The following FBN2 variants were observed in gnomAD, a reference collection of about 807,000 sequenced individuals.
FBN2 encodes fibrillin 2.
FBN2 carries 105 observed loss-of-function variants against 355.6 expected under a neutral mutation model. The observed-to-expected ratio is 0.30, with a 90% CI of 0.25 to 0.35. FBN2 has a LOEUF of 0.35. FBN2 is among the 10% of genes least tolerant of loss of function. The pLI, the probability that FBN2 is intolerant of heterozygous loss-of-function variation, is 1.00. For missense variants in FBN2, 3,280 were observed against 3,758.7 expected (o/e 0.87, Z 3.33); for synonymous variants, 1,350 against 1,301.2 (o/e 1.04, Z -0.81).
chr5:128,414,244 TC>T (rs899372234), intron 7 of FBN2, among the ~76,000 whole-genome samples: 25 of 151,452 alleles, frequency 1.7e-4, no homozygotes, highest in African/African-American at 5.1e-4. Flanking sequence ...AACATTTTCA[TC>T]CCCCCCCAAG....
At chr5:128,385,188 C>G (rs973879571) in intron 11 of FBN2, among the ~76,000 whole-genome samples, 4 of 152,068 alleles carry the variant, frequency 2.6e-5, no homozygotes. Flanking sequence ...TGATAGGTAG[C>G]TTTTCGATCC....
intron 11 of FBN2, among the ~76,000 whole-genome samples, chr5:128,390,829 G>A (rs1482648093): frequency 1.3e-5 from 2 of 152,006 alleles, no homozygotes; most frequent in Admixed American, 1.3e-4. Flanking sequence ...GGAACAGACT[G>A]TATATTTGAT....
At chr5:128,432,137 G>A (rs1018165836) in intron 7 of FBN2, among the ~76,000 whole-genome samples, 2 of 151,998 alleles carry the variant, frequency 1.3e-5, no homozygotes, top group African/African-American at 4.8e-5. Context: ...ATTTCTACAT[G>A]TATACTTATT....
chr5:128,263,386 A>T, intron 63 of FBN2, 39 bp downstream of exon 63: 1 of 1,481,662 alleles, frequency 6.7e-7, no homozygotes, highest in Non-Finnish European at 9.4e-7. Context: ...CTCAGGAACC[A>T]TGTATTCCTC....
chr5:128,369,262 A>C lies in FBN2; in HGVS notation c.2168T>G (p.Val723Gly). 6.2e-7 allele frequency: 1 copy of C among 1,614,134 alleles called. No individual in the cohort carries two copies. The highest frequency in any genetic ancestry group is 8.5e-7 in the Non-Finnish European group (1 of 1,180,012). Residue 723 changes from valine (V) to glycine (G), a missense_variant, in exon 16 of 65, where the codon GTG becomes GGG. Transcript: ENST00000262464. ...GGCACAGCAGCATTCGGACTTGGTC[A>C]CTGCACCGGGGAAAGGACGCACACA... The part of the protein sequence containing the change: ...GVCVRPFPGA[V>G]TKSECCCANP...
rs1181857558 is a variant in FBN2 at position 128,368,425 on chromosome 5, T to TATATATATATATACATATATAC, written c.2248+756_2248+757insGTATATATGTATATATATATAT. Among the ~76,000 whole-genome samples, 881 of 133,322 alleles carry TATATATATATATACATATATAC rather than the reference T, an allele frequency of 6.6e-3. 44 individuals are homozygous for TATATATATATATACATATATAC. Among genetic ancestry groups the TATATATATATATACATATATAC allele is most frequent in the Non-Finnish European group, 0.01 (605 of 60,294 alleles). The allele number at this position is 133,322 out of a possible 152,430, so 87.5% of individuals were successfully genotyped here. A position where few individuals can be genotyped will look rare whatever the true frequency, so the allele number is the denominator to read the frequency against. ...ATATATATGTGTGTGTGTGTGTATA[T>TATATATATATATACATATATAC]ATATATATACACATATATACATATA... On this transcript the variant is annotated intron_variant, in intron 16 of 64. Transcript: ENST00000262464.
intron 22 of FBN2, 125 bp downstream of exon 22, chr5:128,349,830 G>A (rs1363232554): frequency 1.5e-5 from 12 of 777,050 alleles, no homozygotes; most frequent in Non-Finnish European, 2.2e-5. Context: ...TGATTACATC[G>A]AGTATTTTTA....
At position 128,395,410 on chromosome 5, in the gene FBN2, C is replaced by T. The variant is rs149513034; in HGVS notation, c.1079-136G>A. 218 of 948,412 alleles carry T rather than the reference C, an allele frequency of 2.3e-4. 1 individual carries two copies. In the African/African-American group the frequency reaches 2.6e-3, roughly 12 times the overall value. 58.7% of individuals were successfully genotyped at this position (948,412 alleles called of 1,614,324 possible). ...TGTTATCTATTCCTTTCTTCACTCTCTTAATATCTCAGACATTCATTGAGC... is the reference window on the plus strand; with the variant it reads ...TGTTATCTATTCCTTTCTTCACTCTTTTAATATCTCAGACATTCATTGAGC... On this transcript the variant is annotated intron_variant, in intron 8 of 64. Coordinates refer to ENST00000262464, the MANE Select transcript of FBN2 (RefSeq NM_001999.4).
intron 1 of FBN2, 108 bp downstream of exon 1, chr5:128,537,242 G>A: frequency 6.6e-7 from 1 of 1,505,770 alleles, no homozygotes; most frequent in Non-Finnish European, 8.9e-7. Context: ...TGCAGCTCTA[G>A]GCTCCAGCTA....
intron 6 of FBN2, among the ~76,000 whole-genome samples, chr5:128,463,453 T>G (rs1386829409): frequency 1.3e-5 from 2 of 152,148 alleles, no homozygotes; most frequent in Non-Finnish European, 2.9e-5. Flanking sequence ...CATATGTGAT[T>G]AAATATAAAG....
At position 128,299,712 on chromosome 5, in the gene FBN2, G is replaced by A. The variant is rs182010072; in HGVS notation, c.6166+1105C>T. Reference sequence around the variant, plus strand: ...ACAGTGCATGCACCCACTGACCTGCGCCCACTGTCTGGCACTCCCTAGTAA... The same window carrying A: ...ACAGTGCATGCACCCACTGACCTGCACCCACTGTCTGGCACTCCCTAGTAA... On this transcript the variant is annotated intron_variant, in intron 48 of 64. Transcript: ENST00000262464. Among the ~76,000 whole-genome samples, 146 of 152,070 alleles carry A rather than the reference G, an allele frequency of 9.6e-4. 1 individual carries two copies. The highest frequency in any genetic ancestry group is 3.0e-3 in the African/African-American group (125 of 41,492).
Position 128,357,296 on chromosome 5 carries a change from G to C in FBN2, c.2654C>G (p.Ser885Cys). Residue 885 changes from serine to cysteine, a missense_variant, in exon 20 of 65, where the codon TCC becomes TGC. By Grantham distance (112) the Ser-to-Cys change is moderately radical. This residue lies in a region of FBN2 where 2,284 missense variants were observed against 2,749.5 expected (regional missense o/e 0.83). Transcript: ENST00000262464. The part of the protein sequence containing the change: ...CECSPGSKLS[S>C]TGLICIDSLK... ...CTTACCAATACAGATCAATCCTGTG[G>C]AGCTGAGTTTGCTGCCGGGCGAACA... The C allele has an allele frequency of 6.2e-7, 1 of 1,613,958 alleles. No homozygotes were observed. The highest frequency in any genetic ancestry group is 8.5e-7 in the Non-Finnish European group (1 of 1,179,856).
chr5:128,500,846 G>T (rs932202844), intron 5 of FBN2, among the ~76,000 whole-genome samples: 1 of 151,720 alleles, frequency 6.6e-6, no homozygotes, highest in Admixed American at 6.6e-5. Context: ...ACATAACATC[G>T]CATTCGAAGA....
At chr5:128,524,798 T>G (rs1561498082) in intron 4 of FBN2, among the ~76,000 whole-genome samples, 2 of 152,124 alleles carry the variant, frequency 1.3e-5, no homozygotes, top group Non-Finnish European at 2.9e-5. Context: ...ACATTTTGCT[T>G]CCCCTATATG....
At chr5:128,519,777 C>T (rs1012410246) in intron 4 of FBN2, among the ~76,000 whole-genome samples, 7 of 150,330 alleles carry the variant, frequency 4.7e-5, no homozygotes, top group East Asian at 1.9e-4. Context: ...AAAAAGAGGC[C>T]GATCCCGGTA....
intron 40 of FBN2, among the ~76,000 whole-genome samples, chr5:128,309,765 T>C (rs1485301866): frequency 5.9e-5 from 9 of 152,218 alleles, no homozygotes; most frequent in Non-Finnish European, 1.2e-4. Context: ...ATATAACATT[T>C]GAGGAAATTT....
rs746758405 is a variant in FBN2, at chr5:128,290,878, C to T, written c.6299G>A (p.Arg2100His). Residue 2100 changes from arginine to histidine, a missense_variant, in exon 50 of 65, where the codon CGC (arginine) becomes CAC (histidine). By Grantham distance (29) the Arg-to-His change is conservative (BLOSUM62 0). Coordinates refer to ENST00000262464, the MANE Select transcript of FBN2 (RefSeq NM_001999.4). Reference protein sequence around the residue: ...SDNGRRCFDTRQSFCFTNFEN... With the variant: ...SDNGRRCFDTHQSFCFTNFEN... ...AAAATTTGTGAAGCAGAAGCTCTGG[C>T]GAGTATCTAATCAAAAAAGCAAACA... The T allele has an allele frequency of 2.5e-6, 4 of 1,613,694 alleles. No homozygotes were observed. The highest frequency in any genetic ancestry group is 3.4e-6 in the Non-Finnish European group (4 of 1,179,768).
chr5:128,523,960 A>T (rs1211550957), intron 4 of FBN2, among the ~76,000 whole-genome samples: 1 of 151,902 alleles, frequency 6.6e-6, no homozygotes, highest in Non-Finnish European at 1.5e-5. Flanking sequence ...CACAGCAGAC[A>T]GGTGATTTTT....
At chr5:128,533,152 T>G (rs1316128012) in intron 2 of FBN2, among the ~76,000 whole-genome samples, 2 of 152,236 alleles carry the variant, frequency 1.3e-5, no homozygotes, top group African/African-American at 4.8e-5. Context: ...TCTTAAAATG[T>G]ACTACAGTTT....
Sources: allele counts gnomAD v4.1 joint callset (sites outside exome capture counted in the v4.1 genomes callset), GRCh38; gene constraint gnomAD v4.1.1; regional missense constraint gnomAD v4.1.1; transcripts MANE v1.5; gene names NCBI Gene and HGNC (gene_info 2026-07-23, HGNC 2026-07-21).